Variants in RNF169 observed in about 807,000 individuals in gnomAD.
The protein encoded by RNF169 is ring finger protein 169.
In RNF169, 24 loss-of-function variants were observed where a neutral mutation model predicts 53.9. That is an observed-to-expected ratio of 0.45 (90% CI 0.32 to 0.63). RNF169 has a LOEUF of 0.63. Ranked by LOEUF, RNF169 falls within the 20% of genes least tolerant of loss-of-function variation. The probability of loss-of-function intolerance (pLI) is 0.04; values close to 1 mark genes in which losing one functional copy is unlikely to be tolerated. For missense variants in RNF169, 883 were observed against 906.2 expected (o/e 0.97, Z 0.33); for synonymous variants, 396 against 363.5 (o/e 1.09, Z -1.02).
intron 1 of RNF169, among the ~76,000 whole-genome samples, chr11:74,781,470 TAATC>T (rs577687462): frequency 9.9e-5 from 15 of 152,226 alleles, no homozygotes; most frequent in Non-Finnish European, 1.6e-4. Flanking sequence ...TCTAATTAGT[TAATC>T]AATCTTTATT....
chr11:74,766,234 A>C (rs548731899), intron 1 of RNF169, among the ~76,000 whole-genome samples: 7 of 152,356 alleles, frequency 4.6e-5, no homozygotes, highest in African/African-American at 1.7e-4. Context: ...ATTAGCAAAG[A>C]GTAAAATCTC....
intron 4 of RNF169, among the ~76,000 whole-genome samples, chr11:74,823,106 G>A (rs1418777506): frequency 1.3e-5 from 2 of 152,074 alleles, no homozygotes; most frequent in Admixed American, 1.3e-4. Flanking sequence ...AATATTATCT[G>A]GGTATTATGT....
chr11:74,803,546 G>A (rs2035763633), intron 2 of RNF169, among the ~76,000 whole-genome samples: 1 of 152,020 alleles, frequency 6.6e-6, no homozygotes, highest in African/African-American at 2.4e-5. Flanking sequence ...GTACTAACAG[G>A]GAATATACAC....
chr11:74,776,032 T>G (rs1464331097), intron 1 of RNF169, among the ~76,000 whole-genome samples: 1 of 152,212 alleles, frequency 6.6e-6, no homozygotes, highest in South Asian at 2.1e-4. Context: ...CCTGATACTT[T>G]ATAGCCTGAC....
At chr11:74,764,499 A>T (rs1257200486) in intron 1 of RNF169, among the ~76,000 whole-genome samples, 1 of 152,234 alleles carries the variant, frequency 6.6e-6, no homozygotes, top group Non-Finnish European at 1.5e-5. Flanking sequence ...TTGGGCAACC[A>T]TGAGCAAAAC....
intron 1 of RNF169, among the ~76,000 whole-genome samples, chr11:74,778,566 G>A (rs1338794570): frequency 6.6e-6 from 1 of 152,210 alleles, no homozygotes; most frequent in Non-Finnish European, 1.5e-5. Flanking sequence ...GCCAGTAAAC[G>A]AGACATGGAG....
chr11:74,814,158 T>TA (rs1273803525), intron 3 of RNF169, among the ~76,000 whole-genome samples: 4 of 151,618 alleles, frequency 2.6e-5, no homozygotes. Context: ...CCTTCTCTAA[T>TA]AAAAAATACA....
chr11:74,782,564 G>GTC (rs2035431412), intron 1 of RNF169, among the ~76,000 whole-genome samples: 1 of 152,168 alleles, frequency 6.6e-6, no homozygotes, highest in Non-Finnish European at 1.5e-5. Context: ...TGGAAAAACT[G>GTC]TCTTCCAGAA....
In RNF169 at chr11:74,789,699, G is replaced by A; in HGVS notation, c.576G>A (p.Lys192=). ...GTGAGGAATATGAAAGCTTGAGAAA[G>A]GTATAGTATTATCATGTCATTCATT... ...ELREEYESLR[K]LREEKLQEEK... Residue 192 remains lysine, a splice_region_variant and synonymous_variant, in exon 2 of 6, where the codon AAG becomes AAA. Coordinates refer to ENST00000299563, the MANE Select transcript of RNF169 (RefSeq NM_001098638.2). 1 of 1,566,616 alleles carries A rather than the reference G, an allele frequency of 6.4e-7. No homozygotes were observed. Among genetic ancestry groups the A allele is most frequent in the Non-Finnish European group, 8.8e-7 (1 of 1,138,198 alleles).
intron 1 of RNF169, among the ~76,000 whole-genome samples, chr11:74,788,571 T>A (rs1008000168): frequency 1.3e-5 from 2 of 152,062 alleles, no homozygotes; most frequent in Non-Finnish European, 2.9e-5. Flanking sequence ...TTTTTTGTAT[T>A]TTTAGTAGAG....
intron 1 of RNF169, among the ~76,000 whole-genome samples, chr11:74,750,726 C>T (rs1409290969): frequency 6.6e-6 from 1 of 151,232 alleles, no homozygotes; most frequent in Non-Finnish European, 1.5e-5. Flanking sequence ...CTGCCGCAGC[C>T]TCCCGAGTAG....
chr11:74,804,199 G>A (rs1337936755), intron 2 of RNF169, among the ~76,000 whole-genome samples: 1 of 152,178 alleles, frequency 6.6e-6, no homozygotes. Context: ...GAGTGGGTAT[G>A]TGTGTGAGTG....
intron 4 of RNF169, among the ~76,000 whole-genome samples, chr11:74,825,646 C>A (rs1284744945): frequency 6.6e-6 from 1 of 152,162 alleles, no homozygotes; most frequent in Non-Finnish European, 1.5e-5. Flanking sequence ...CTAACTCATT[C>A]TATAAGGCCT....
intron 2 of RNF169, among the ~76,000 whole-genome samples, chr11:74,804,854 C>A (rs1182194300): frequency 6.6e-6 from 1 of 152,066 alleles, no homozygotes; most frequent in Non-Finnish European, 1.5e-5. Flanking sequence ...AGAACTCTTG[C>A]TAATCTAACT....
chr11:74,824,630 T>G (rs1444547412), intron 4 of RNF169, among the ~76,000 whole-genome samples: 3 of 152,180 alleles, frequency 2.0e-5, no homozygotes, highest in Non-Finnish European at 2.9e-5. Context: ...ATACCAGATA[T>G]AATAATCATG....
chr11:74,802,623 A>G (rs2035748768), intron 2 of RNF169, among the ~76,000 whole-genome samples: 1 of 152,224 alleles, frequency 6.6e-6, no homozygotes, highest in African/African-American at 2.4e-5. Flanking sequence ...AGCCTGGGCA[A>G]CAGAGTGAGA....
chr11:74,818,427 C>G (rs2035967413), intron 4 of RNF169, among the ~76,000 whole-genome samples: 1 of 152,094 alleles, frequency 6.6e-6, no homozygotes, highest in Non-Finnish European at 1.5e-5. Flanking sequence ...GTGTCTCACT[C>G]TGTTGTCCAG....
chr11:74,776,363 T>A (rs555847846), intron 1 of RNF169, among the ~76,000 whole-genome samples: 3 of 152,220 alleles, frequency 2.0e-5, no homozygotes, highest in African/African-American at 7.2e-5. Context: ...TTAAAGTTGA[T>A]GATAATGAGA....
intron 4 of RNF169, among the ~76,000 whole-genome samples, chr11:74,834,086 G>A (rs2036216988): frequency 6.6e-6 from 1 of 152,176 alleles, no homozygotes; most frequent in Admixed American, 6.5e-5. Flanking sequence ...AAGTACTGTG[G>A]AGTTTGGTTT....
Sources: allele counts gnomAD v4.1 joint callset (sites outside exome capture counted in the v4.1 genomes callset), GRCh38; gene constraint gnomAD v4.1.1; transcripts MANE v1.5; gene names NCBI Gene and HGNC (gene_info 2026-07-23, HGNC 2026-07-21).